Variants in CAP2 observed in about 807,000 individuals in gnomAD.
The protein encoded by CAP2 is cyclase associated actin cytoskeleton regulatory protein 2.
CAP2 carries 24 observed loss-of-function variants against 57.7 expected under a neutral mutation model. That is an observed-to-expected ratio of 0.42 (90% confidence interval 0.30 to 0.58). The LOEUF is 0.58. CAP2 is among the 20% of genes least tolerant of loss of function. The probability of loss-of-function intolerance (pLI) is 0.22; values close to 1 mark genes in which losing one functional copy is unlikely to be tolerated. For missense variants in CAP2, 501 were observed against 590.3 expected (o/e 0.85, Z 1.57); for synonymous variants, 194 against 207.2 (o/e 0.94, Z 0.55).
intron 4 of CAP2, among the ~76,000 whole-genome samples, chr6:17,505,961 C>G (rs1309008432): frequency 6.6e-6 from 1 of 152,150 alleles, no homozygotes; most frequent in Non-Finnish European, 1.5e-5. Context: ...TGGTGAGTCA[C>G]AGCTCACTGC....
At chr6:17,437,004 C>T (rs1759909524) in intron 3 of CAP2, among the ~76,000 whole-genome samples, 1 of 152,134 alleles carries the variant, frequency 6.6e-6, no homozygotes, top group African/African-American at 2.4e-5. Context: ...AATCTAATGC[C>T]TTATGATCTG....
chr6:17,502,396 C>T (rs1761848546), intron 4 of CAP2, among the ~76,000 whole-genome samples: 1 of 152,104 alleles, frequency 6.6e-6, no homozygotes, highest in South Asian at 2.1e-4. Context: ...TCAGGATGAA[C>T]TGGTGAAGAT....
chr6:17,507,508 C>T, intron 5 of CAP2, 133 bp from the exon 6 acceptor site: 2 of 793,676 alleles, frequency 2.5e-6, no homozygotes, highest in Non-Finnish European at 2.1e-6. Flanking sequence ...TTTTATCAAC[C>T]TTTACAGAGC....
intron 3 of CAP2, among the ~76,000 whole-genome samples, chr6:17,436,379 C>T (rs796941142): frequency 8.5e-5 from 13 of 152,252 alleles, no homozygotes; most frequent in African/African-American, 3.1e-4. Flanking sequence ...GTGGTCCACC[C>T]GCCTTGGCCT....
intron 7 of CAP2, among the ~76,000 whole-genome samples, chr6:17,520,353 G>A (rs9477466): frequency 0.054 from 8,231 of 152,108 alleles, 271 homozygotes; most frequent in Middle Eastern, 0.096. Flanking sequence ...CAAGTGATCC[G>A]CCTGCCTTGG....
In CAP2 at chr6:17,507,150, G is replaced by T; in HGVS notation, c.301-19G>T. On this transcript the variant is annotated intron_variant, in intron 4 of 12. Transcript: ENST00000229922. ...TGCTCTGTCTGTAGTAAAAGCCCCCGATGTTTGACTGCTTACAGAATGACG... is the reference window on the plus strand; with the variant it reads ...TGCTCTGTCTGTAGTAAAAGCCCCCTATGTTTGACTGCTTACAGAATGACG... 1.2e-6 allele frequency: 2 copies of T among 1,614,072 alleles called. No homozygotes were observed. Among genetic ancestry groups the T allele is most frequent in the South Asian group, 2.2e-5 (2 of 91,082 alleles).
At chr6:17,536,195 G>A (rs960996598) in intron 7 of CAP2, 1 of 456,570 alleles carries the variant, frequency 2.2e-6, no homozygotes, top group Non-Finnish European at 4.4e-6. Flanking sequence ...AGACATAAGA[G>A]AATATAGAAA....
intron 4 of CAP2, among the ~76,000 whole-genome samples, chr6:17,484,851 G>C (rs1761383130): frequency 6.6e-6 from 1 of 152,176 alleles, no homozygotes; most frequent in Admixed American, 6.5e-5. Context: ...AAGATGCATT[G>C]TGTCATTGTC....
intron 4 of CAP2, among the ~76,000 whole-genome samples, chr6:17,473,028 C>T (rs568503620): frequency 2.7e-5 from 4 of 150,038 alleles, no homozygotes; most frequent in Non-Finnish European, 4.4e-5. Context: ...GAACATCACT[C>T]ATGGTGACCT....
chr6:17,451,143 G>A (rs1469321379), intron 3 of CAP2, among the ~76,000 whole-genome samples: 2 of 151,754 alleles, frequency 1.3e-5, no homozygotes, highest in Non-Finnish European at 2.9e-5. Context: ...AGGAGCCCGA[G>A]AATTGTGTTA....
chr6:17,547,617 A>C (rs1428199556), intron 11 of CAP2, among the ~76,000 whole-genome samples: 1 of 152,120 alleles, frequency 6.6e-6, no homozygotes, highest in Non-Finnish European at 1.5e-5. Context: ...CAAGGTGGGC[A>C]AATCACGAGG....
rs549531703 is a variant in CAP2 at position 17,495,571 on chromosome 6, T to C, written c.301-11598T>C. On this transcript the variant is annotated intron_variant, in intron 4 of 12. Coordinates refer to ENST00000229922, the MANE Select transcript of CAP2 (RefSeq NM_006366.3). Reference sequence around the variant, plus strand: ...ATGTCAAAATCCAGGCTCAGCAGTCTACAAGCACTGATAAGGCTTGGAGTC... The same window carrying C: ...ATGTCAAAATCCAGGCTCAGCAGTCCACAAGCACTGATAAGGCTTGGAGTC... Among the ~76,000 whole-genome samples, 3 of 152,206 alleles carry C rather than the reference T, an allele frequency of 2.0e-5. No individual in the cohort carries two copies. The East Asian group carries it at 5.8e-4, about 29-fold the overall frequency.
At chr6:17,444,994 T>C (rs532033066) in intron 3 of CAP2, among the ~76,000 whole-genome samples, 13 of 152,308 alleles carry the variant, frequency 8.5e-5, no homozygotes, top group Middle Eastern at 3.4e-3. Flanking sequence ...CTAAGATACA[T>C]AAGTAACCTG....
At chr6:17,536,686 A>C (rs1192017095) in intron 7 of CAP2, among the ~76,000 whole-genome samples, 3 of 152,222 alleles carry the variant, frequency 2.0e-5, no homozygotes. Flanking sequence ...TTTAGAAGCC[A>C]GCATCATCTT....
At chr6:17,435,923 C>G (rs1759867859) in intron 3 of CAP2, among the ~76,000 whole-genome samples, 1 of 152,028 alleles carries the variant, frequency 6.6e-6, no homozygotes, top group Non-Finnish European at 1.5e-5. Context: ...TCTATATATA[C>G]AAGTATATCT....
chr6:17,431,493 G>T (rs1308962518), intron 3 of CAP2, among the ~76,000 whole-genome samples: 1 of 152,136 alleles, frequency 6.6e-6, no homozygotes, highest in Non-Finnish European at 1.5e-5. Flanking sequence ...GGATGAACAT[G>T]ATCAGAAAAT....
At chr6:17,408,014 C>G (rs1290625931) in intron 1 of CAP2, among the ~76,000 whole-genome samples, 1 of 152,008 alleles carries the variant, frequency 6.6e-6, no homozygotes, top group Admixed American at 6.6e-5. Context: ...GTTGCTGAAT[C>G]TTTTATTTAA....
At chr6:17,395,581 A>G (rs1555111) in intron 1 of CAP2, among the ~76,000 whole-genome samples, 37,972 of 152,098 alleles carry the variant, frequency 0.25, 4,947 homozygotes, top group South Asian at 0.35. Context: ...TTAATGGGCC[A>G]CATTCTCTTG....
chr6:17,495,700 A>G (rs1162959829), intron 4 of CAP2, among the ~76,000 whole-genome samples: 1 of 152,190 alleles, frequency 6.6e-6, no homozygotes, highest in African/African-American at 2.4e-5. Context: ...AGACTCGAAG[A>G]TGAAAGTTCA....
Sources: gnomAD v4.1 joint callset for allele counts (sites outside exome capture counted in the v4.1 genomes callset) on GRCh38, gnomAD v4.1.1 for gene constraint, MANE v1.5 for transcripts, NCBI Gene and HGNC (gene_info 2026-07-23, HGNC 2026-07-21) for gene names.